The following NOL6 variants were observed in gnomAD, a reference collection of about 807,000 sequenced individuals.
The protein encoded by NOL6 is nucleolar RNA-associated protein.
A neutral mutation model predicts 131.7 loss-of-function variants in NOL6; 33 were observed. The ratio of observed to expected loss-of-function variants is 0.25; its 90% CI spans 0.19 to 0.33. The LOEUF is 0.33. Ranked by LOEUF, NOL6 falls within the 10% of genes least tolerant of loss-of-function variation. NOL6 has a pLI of 1.00. For missense variants in NOL6, 1,297 were observed against 1,494.5 expected (o/e 0.87, Z 2.18); for synonymous variants, 580 against 605.7 (o/e 0.96, Z 0.62).
intron 3 of NOL6, chr9:33,470,415 G>A (rs576175657): frequency 9.8e-5 from 33 of 335,172 alleles, no homozygotes; most frequent in African/African-American, 3.0e-4. Context: ...TTTACGAGCC[G>A]GGCGTGGTGG....
rs530248326 is a variant in NOL6 at position 33,462,237 on chromosome 9, G to A, written c.*427C>T. ...TCTAAAGGCCTGACACTGCAGTGAA[G>A]GGCATGCTAAGTCTAGGCACAGGTC... is the stretch of plus-strand genomic sequence containing the variant. On this transcript the variant is annotated 3_prime_UTR_variant, in exon 26 of 26. Coordinates refer to ENST00000297990, the MANE Select transcript of NOL6 (RefSeq NM_022917.5). The A allele has an allele frequency of 5.6e-6, 4 of 716,936 alleles. No homozygotes were observed. Among genetic ancestry groups the A allele is most frequent in the African/African-American group, 5.2e-5 (3 of 57,370 alleles). 44.4% of individuals were successfully genotyped at this position (716,936 alleles called of 1,614,324 possible).
intron 19 of NOL6, 38 bp from the exon 20 acceptor site, chr9:33,465,397 C>T (rs1827212936): frequency 3.2e-6 from 5 of 1,548,734 alleles, no homozygotes; most frequent in Non-Finnish European, 4.4e-6. Flanking sequence ...GACTCAGGGC[C>T]CCACTGCCAC....
Position 33,465,587 on chromosome 9 carries a change from A to C in NOL6, c.2528+147T>G, listed in dbSNP as rs1587217150. 12 of 1,051,050 alleles carry C rather than the reference A, an allele frequency of 1.1e-5. No homozygotes were observed. In the East Asian group the frequency reaches 2.6e-4, roughly 23 times the overall value. 65.1% of individuals were successfully genotyped at this position (1,051,050 alleles called of 1,614,324 possible). ...TAGGGTCACAGTCAGTAAGTGGCAG[A>C]GCCAGGATTCCAGAACCTGCCTGAC... is the stretch of plus-strand genomic sequence containing the variant. On this transcript the variant is annotated intron_variant, in intron 19 of 25. Coordinates refer to ENST00000297990, the MANE Select transcript of NOL6 (RefSeq NM_022917.5).
Position 33,467,759 on chromosome 9 carries a change from T to C in NOL6, c.1534A>G (p.Thr512Ala). The change falls in exon 12 of 26, where the codon ACC (threonine) becomes GCC (alanine). Residue 512 changes from threonine to alanine, a missense_variant. Thr to Ala is a moderately conservative substitution (Grantham distance 58). Coordinates refer to ENST00000297990, the MANE Select transcript of NOL6 (RefSeq NM_022917.5). This position sits in a 1 kb window ranked among gnomAD's most constrained non-coding sequence, Gnocchi z 4.4. ...YVSAALGPLT[T>A]LLEQGLGARL... ...GCCCCCAGGCCCTGCTCCAGGAGGG[T>C]GGTCAGGGGGCCCAAAGCAGCTGAG... The C allele has an allele frequency of 6.2e-7, 1 of 1,609,740 alleles. No homozygotes were observed. The highest frequency in any genetic ancestry group is 1.1e-5 in the South Asian group (1 of 90,516).
intron 5 of NOL6, 54 bp from the exon 6 acceptor site, chr9:33,469,395 C>T: frequency 1.2e-6 from 2 of 1,611,948 alleles, no homozygotes; most frequent in South Asian, 2.2e-5. Context: ...AGCCAGAGGG[C>T]TCCCCATCCT....
At position 33,469,295 on chromosome 9, in the gene NOL6, T is replaced by C. The variant is rs768800793; in HGVS notation, c.774A>G (p.Pro258=). 6.2e-7 allele frequency: 1 copy of C among 1,614,138 alleles called. No individual in the cohort carries two copies. The highest frequency in any genetic ancestry group is 8.5e-7 in the Non-Finnish European group (1 of 1,180,010). The change falls in exon 6 of 26, where the codon CCA becomes CCG. Residue 258 remains proline, a synonymous_variant. Transcript: ENST00000297990. ...LVTVRLHPCP[P]PDFFRPCRLL... ...AGCGGCACGGGCGGAAGAAGTCAGG[T>C]GGAGGGCACGGATGCAGACGTACAG...
At chr9:33,464,372 A>G (rs1321634802) in intron 21 of NOL6, among the ~76,000 whole-genome samples, 1 of 151,586 alleles carries the variant, frequency 6.6e-6, no homozygotes, top group African/African-American at 2.4e-5. Flanking sequence ...CAGAGGCAAA[A>G]TTTTCCACTG....
chr9:33,469,315 G>C lies in NOL6; in HGVS notation c.754C>G (p.Arg252Gly). ...RGKDERLVTV[R>G]LHPCPPPDFF... Reference sequence around the variant, plus strand: ...TCAGGTGGAGGGCACGGATGCAGACGTACAGTGACCAGGCGCTCATCCTTT... The same window carrying C: ...TCAGGTGGAGGGCACGGATGCAGACCTACAGTGACCAGGCGCTCATCCTTT... Residue 252 changes from arginine (R) to glycine (G), a missense_variant, in exon 6 of 26, where the codon CGT becomes GGT. Transcript: ENST00000297990. The C allele has an allele frequency of 1.2e-6, 2 of 1,614,152 alleles. No individual in the cohort carries two copies. The highest frequency in any genetic ancestry group is 1.7e-6 in the Non-Finnish European group (2 of 1,180,024).
At chr9:33,465,480 G>A (rs1827214722) in intron 19 of NOL6, 121 bp from the exon 20 acceptor site, 1 of 1,239,048 alleles carries the variant, frequency 8.1e-7, no homozygotes, top group South Asian at 1.6e-5. Context: ...ATTCTCTTAA[G>A]AAATGCACCA....
Position 33,462,071 on chromosome 9 carries a change from C to T in NOL6, c.*593G>A, listed in dbSNP as rs761519317. 5.7e-6 allele frequency: 4 copies of T among 706,498 alleles called. No homozygotes were observed. The highest frequency in any genetic ancestry group is 1.1e-5 in the Non-Finnish European group (4 of 377,172). 43.8% of individuals were successfully genotyped at this position (706,498 alleles called of 1,614,324 possible). ...CTTTCCTGTCCTCGGTTCTTTTCCACTGTCTCCACCCTGGGAAGTGGCATC... is the reference window on the plus strand; with the variant it reads ...CTTTCCTGTCCTCGGTTCTTTTCCATTGTCTCCACCCTGGGAAGTGGCATC... On this transcript the variant is annotated 3_prime_UTR_variant, in exon 26 of 26. Transcript: ENST00000297990.
chr9:33,462,113 G>A lies in NOL6; in HGVS notation c.*551C>T. On this transcript the variant is annotated 3_prime_UTR_variant, in exon 26 of 26. Transcript: ENST00000297990. ...AGTGGCATCAACACAGGAGGGCATT[G>A]TGCTCCTTCAATGTGGTCTATTCAT... 1 of 717,140 alleles carries A rather than the reference G, an allele frequency of 1.4e-6. No individual in the cohort carries two copies. Among genetic ancestry groups the A allele is most frequent in the Non-Finnish European group, 2.6e-6 (1 of 384,830 alleles). 44.4% of individuals were successfully genotyped at this position (717,140 alleles called of 1,614,324 possible).
In NOL6 at chr9:33,467,423, C is replaced by G; in HGVS notation, c.1696G>C (p.Glu566Gln). 6.2e-7 allele frequency: 1 copy of G among 1,614,212 alleles called. No individual in the cohort carries two copies. The highest frequency in any genetic ancestry group is 1.6e-4 in the Middle Eastern group (1 of 6,062). Reference protein sequence around the residue: ...LRPEGLTSVLELGPEADQPEA... With the variant: ...LRPEGLTSVLQLGPEADQPEA... ...GGCTGGTCTGCCTCTGGACCCAGCTCAAGGACGCTGGTCAGTCCCTCAGGC... is the reference window on the plus strand; with the variant it reads ...GGCTGGTCTGCCTCTGGACCCAGCTGAAGGACGCTGGTCAGTCCCTCAGGC... Residue 566 changes from glutamate to glutamine, a missense_variant, in exon 13 of 26, where the codon GAG becomes CAG. Physicochemically the swap from Glu to Gln is conservative, Grantham distance 29. Coordinates refer to ENST00000297990, the MANE Select transcript of NOL6 (RefSeq NM_022917.5). The surrounding 1 kb of genome is among the most constrained non-coding windows in gnomAD (Gnocchi z 4.4).
chr9:33,464,619 G>A (rs1275912436), intron 21 of NOL6, among the ~76,000 whole-genome samples: 2 of 151,942 alleles, frequency 1.3e-5, no homozygotes, highest in Admixed American at 6.6e-5. Flanking sequence ...TGGTATTCAG[G>A]ATCCCCCTTC....
intron 3 of NOL6, 88 bp from the exon 4 acceptor site, chr9:33,470,279 A>AT (rs1827374133): frequency 5.1e-6 from 6 of 1,182,866 alleles, no homozygotes; most frequent in Non-Finnish European, 6.8e-6. Flanking sequence ...TAACACATCG[A>AT]TATGTTTGAA....
At position 33,472,432 on chromosome 9, in the gene NOL6, A is replaced by G; in HGVS notation, c.55-20T>C. On this transcript the variant is annotated intron_variant, in intron 1 of 25. Coordinates refer to ENST00000297990, the MANE Select transcript of NOL6 (RefSeq NM_022917.5). ...CATCACCTGTGGCCAGTGAGGGAGA[A>G]GCCATTTTGAGGTAATAGGTATCTA... 6.2e-7 allele frequency: 1 copy of G among 1,602,432 alleles called. No homozygotes were observed. Among genetic ancestry groups the G allele is most frequent in the Non-Finnish European group, 8.5e-7 (1 of 1,172,438 alleles).
chr9:33,471,333 C>T (rs1827406454), intron 3 of NOL6, among the ~76,000 whole-genome samples: 1 of 152,254 alleles, frequency 6.6e-6, no homozygotes, highest in African/African-American at 2.4e-5. Flanking sequence ...TAAAATCCAG[C>T]AGTGGCTCCC....
In NOL6 at chr9:33,464,042, C is replaced by T. The variant is rs1311280104; in HGVS notation, c.2899G>A (p.Ala967Thr). 6.2e-7 allele frequency: 1 copy of T among 1,613,064 alleles called. No individual in the cohort carries two copies. The highest frequency in any genetic ancestry group is 1.7e-5 in the Admixed American group (1 of 59,972). ...GGGCAGGTATGGGGTTGAACCTGGG[C>T]TGAGGGTCCATCCTGTGTCCACACA... ...NSVWTQDGPSAQILQQLVVLA... is the reference protein window; with the variant it reads ...NSVWTQDGPSTQILQQLVVLA... Residue 967 changes from alanine to threonine, a missense_variant, in exon 22 of 26, where the codon GCC (alanine) becomes ACC (threonine). Transcript: ENST00000297990.
chr9:33,463,570 T>G (rs572419954), intron 23 of NOL6, 129 bp from the exon 24 acceptor site: 3 of 865,934 alleles, frequency 3.5e-6, no homozygotes, highest in East Asian at 5.3e-5. Context: ...ACCTGCCCAT[T>G]TGAAGACTGA....
intron 23 of NOL6, 56 bp from the exon 24 acceptor site, chr9:33,463,497 C>A: frequency 6.7e-7 from 1 of 1,485,282 alleles, no homozygotes; most frequent in South Asian, 1.3e-5. Flanking sequence ...GGAACTGGAC[C>A]ACAAACCTCT....
Sources: allele counts gnomAD v4.1 joint callset (sites outside exome capture counted in the v4.1 genomes callset), GRCh38; gene constraint gnomAD v4.1.1; non-coding constraint Gnocchi (gnomAD v3.1); transcripts MANE v1.5; gene names NCBI Gene and HGNC (gene_info 2026-07-23, HGNC 2026-07-21).